PAPSS1: variants seen among roughly 807,000 people sequenced by gnomAD.
PAPSS1 encodes the protein bifunctional 3'-phosphoadenosine 5'-phosphosulfate synthase 1.
Under a neutral mutation model 72.0 loss-of-function variants are expected in PAPSS1, and 50 were observed. The ratio of observed to expected loss-of-function variants is 0.69; its 90% CI spans 0.55 to 0.88. The LOEUF (loss-of-function observed/expected upper bound fraction) is 0.88, where lower values mean the gene tolerates loss of function less well. Among genes scored for constraint, PAPSS1 ranks in the 40% least tolerant of loss-of-function variants. PAPSS1 has a pLI of 0.00. For synonymous variants in PAPSS1, 261 were observed against 263.6 expected, an observed-to-expected ratio of 0.99 and a Z score of 0.09; for missense variants, 657 against 782.2, an observed-to-expected ratio of 0.84 and a Z score of 1.91.
intron 5 of PAPSS1, among the ~76,000 whole-genome samples, chr4:107,662,746 C>A (rs1485576116): frequency 6.6e-6 from 1 of 152,068 alleles, no homozygotes; most frequent in East Asian, 1.9e-4. Flanking sequence ...AACCAAATCA[C>A]CCTGTATCCC....
chr4:107,621,609 T>A (rs962035555), intron 11 of PAPSS1, among the ~76,000 whole-genome samples: 1 of 47,132 alleles, frequency 2.1e-5, no homozygotes, highest in African/African-American at 1.5e-4. Flanking sequence ...GTTTTTTATC[T>A]TTTTTTTTTT....
intron 3 of PAPSS1, among the ~76,000 whole-genome samples, chr4:107,690,814 G>A (rs1722897985): frequency 6.6e-6 from 1 of 152,036 alleles, no homozygotes; most frequent in African/African-American, 2.4e-5. Flanking sequence ...ATACAAACAA[G>A]GGGGCCACAA....
chr4:107,633,470 T>C (rs915884854), intron 10 of PAPSS1, among the ~76,000 whole-genome samples: 3 of 152,260 alleles, frequency 2.0e-5, no homozygotes, highest in South Asian at 2.1e-4. Context: ...CAGGTTTCTG[T>C]GTACCTTGCT....
chr4:107,652,285 A>AT (rs1385450120), intron 9 of PAPSS1, among the ~76,000 whole-genome samples: 8 of 152,140 alleles, frequency 5.3e-5, no homozygotes, highest in African/African-American at 1.7e-4. Flanking sequence ...GATGCTTCCA[A>AT]TTTTAAGGCT....
intron 3 of PAPSS1, among the ~76,000 whole-genome samples, chr4:107,691,868 T>C (rs1240464782): frequency 2.0e-5 from 3 of 152,312 alleles, no homozygotes; most frequent in Non-Finnish European, 2.9e-5. Context: ...AGTCAATGAA[T>C]TGGGTTTTTA....
Position 107,694,026 on chromosome 4 carries a change from A to T in PAPSS1, c.176-20T>A. ...ACAAGCCTAAAATTAAACAGTCCAA[A>T]CAGATTCCATGTGTAAAGTTAGAAG... On this transcript the variant is annotated intron_variant, in intron 2 of 11. Transcript: ENST00000265174. 6.6e-7 allele frequency: 1 copy of T among 1,512,582 alleles called. No homozygotes were observed. Among genetic ancestry groups the T allele is most frequent in the Non-Finnish European group, 9.2e-7 (1 of 1,091,948 alleles). The allele number at this position is 1,512,582 out of a possible 1,614,324, so 93.7% of individuals were successfully genotyped here.
intron 5 of PAPSS1, among the ~76,000 whole-genome samples, chr4:107,675,101 C>G (rs1477117431): frequency 6.6e-6 from 1 of 152,036 alleles, no homozygotes; most frequent in East Asian, 1.9e-4. Flanking sequence ...AAAATGGACA[C>G]CCTAACATCG....
At chr4:107,671,260 G>GTT (rs892537497) in intron 5 of PAPSS1, among the ~76,000 whole-genome samples, 1 of 142,958 alleles carries the variant, frequency 7.0e-6, no homozygotes, top group Non-Finnish European at 1.5e-5. Flanking sequence ...TCAAAATCAA[G>GTT]TTTTTTTTTT....
intron 10 of PAPSS1, among the ~76,000 whole-genome samples, chr4:107,641,089 G>C (rs1726527891): frequency 6.6e-6 from 1 of 152,204 alleles, no homozygotes; most frequent in South Asian, 2.1e-4. Flanking sequence ...TAACTAGTCA[G>C]GCTCCCCTGA....
At chr4:107,678,746 G>A (rs1387102038) in intron 5 of PAPSS1, among the ~76,000 whole-genome samples, 2 of 152,074 alleles carry the variant, frequency 1.3e-5, no homozygotes, top group East Asian at 1.9e-4. Flanking sequence ...CATAAATCAG[G>A]AGCAGGTCTA....
At position 107,708,248 on chromosome 4, in the gene PAPSS1, TC is replaced by T. The variant is rs1187659069; in HGVS notation, c.61-6964del. Among the ~76,000 whole-genome samples the T allele has an allele frequency of 2.0e-5, 3 of 152,168 alleles. No homozygotes were observed. In the East Asian group the frequency reaches 5.8e-4, roughly 29 times the overall value. On this transcript the variant is annotated intron_variant, in intron 1 of 11. Coordinates refer to ENST00000265174, the MANE Select transcript of PAPSS1 (RefSeq NM_005443.5). ...GATGAAGCAAATACAACTTACCAGC[TC>T]TACATTTCCAAGAACTTAAAAAAGA...
At chr4:107,633,918 C>CAAA (rs765586369) in intron 10 of PAPSS1, among the ~76,000 whole-genome samples, 10 of 90,184 alleles carry the variant, frequency 1.1e-4, no homozygotes, top group East Asian at 3.6e-4. Flanking sequence ...GACTCCGTCT[C>CAAA]AAAAAAAAAA....
intron 5 of PAPSS1, among the ~76,000 whole-genome samples, chr4:107,671,234 G>A (rs1478361201): frequency 6.7e-6 from 1 of 149,994 alleles, no homozygotes; most frequent in South Asian, 2.1e-4. Context: ...AATAAGTGAA[G>A]AGCTGCAAAA....
At chr4:107,618,538 G>A (rs1390162115) in intron 11 of PAPSS1, among the ~76,000 whole-genome samples, 1 of 151,944 alleles carries the variant, frequency 6.6e-6, no homozygotes, top group East Asian at 1.9e-4. Flanking sequence ...AGGGAGAGGG[G>A]CTTTGACAAG....
At chr4:107,679,351 T>C (rs922448601) in intron 5 of PAPSS1, among the ~76,000 whole-genome samples, 3 of 152,012 alleles carry the variant, frequency 2.0e-5, no homozygotes, top group African/African-American at 4.8e-5. Context: ...GGCCCCACAC[T>C]AAGTACAAGG....
At chr4:107,701,007 A>C (rs1035939331) in intron 2 of PAPSS1, among the ~76,000 whole-genome samples, 164 bp downstream of exon 2, 1 of 136,696 alleles carries the variant, frequency 7.3e-6, no homozygotes, top group African/African-American at 2.5e-5. Context: ...AAAAGAACAA[A>C]AAAAAAAATA....
chr4:107,656,408 G>A (rs935490926), intron 7 of PAPSS1, among the ~76,000 whole-genome samples: 3 of 152,202 alleles, frequency 2.0e-5, no homozygotes, highest in South Asian at 4.1e-4. Flanking sequence ...GAGCCACTGC[G>A]CCTGGCCAAC....
At chr4:107,710,956 C>T (rs1157997622) in intron 1 of PAPSS1, among the ~76,000 whole-genome samples, 3 of 152,206 alleles carry the variant, frequency 2.0e-5, no homozygotes, top group Non-Finnish European at 2.9e-5. Context: ...GAGTTATATA[C>T]CTGCGCTGTA....
At chr4:107,651,231 G>C (rs1017659834) in intron 9 of PAPSS1, among the ~76,000 whole-genome samples, 1 of 152,200 alleles carries the variant, frequency 6.6e-6, no homozygotes, top group African/African-American at 2.4e-5. Context: ...ATGTGAATGA[G>C]TTAAGCAGAC....
Sources: allele counts gnomAD v4.1 joint callset (sites outside exome capture counted in the v4.1 genomes callset), GRCh38; gene constraint gnomAD v4.1.1; transcripts MANE v1.5; gene names NCBI Gene and HGNC (gene_info 2026-07-23, HGNC 2026-07-21).